SLC13A5: variants seen among roughly 807,000 people sequenced by gnomAD.
SLC13A5 encodes the protein solute carrier family 13 member 5, also known as Na(+)/citrate cotransporter.
SLC13A5 carries 25 observed loss-of-function variants against 56.5 expected under a neutral mutation model. The observed-to-expected ratio is 0.44, with a 90% CI of 0.32 to 0.62. The LOEUF (loss-of-function observed/expected upper bound fraction) is 0.62, where lower values mean the gene tolerates loss of function less well. Among genes scored for constraint, SLC13A5 ranks in the 20% least tolerant of loss-of-function variants. The pLI, the probability that SLC13A5 is intolerant of heterozygous loss-of-function variation, is 0.04. For synonymous variants in SLC13A5, 307 were observed against 301.5 expected (o/e 1.02, Z -0.19); for missense variants, 649 against 737.8 (o/e 0.88, Z 1.39).
rs765658539 is a variant in SLC13A5 at position 6,690,813 on chromosome 17, G to T, written c.1403C>A (p.Thr468Asn). Residue 468 changes from threonine to asparagine, a missense_variant, in exon 10 of 12, where the codon ACC (threonine) becomes AAC (asparagine). Physicochemically the swap from Thr to Asn is moderately conservative, Grantham distance 65. Transcript: ENST00000433363. The part of the protein sequence containing the change: ...VFTECTSNVA[T>N]TTLFLPIFAS... ...AAAGATGGGCAGGAACAAGGTGGTG[G>T]TGGCCACGTTGCTTGTGCACTCAGT... 4 of 1,614,096 alleles carry T rather than the reference G, an allele frequency of 2.5e-6. No homozygotes were observed. The highest frequency in any genetic ancestry group is 3.4e-6 in the Non-Finnish European group (4 of 1,180,046).
intron 6 of SLC13A5, among the ~76,000 whole-genome samples, chr17:6,697,285 C>T (rs1412938092): frequency 1.3e-5 from 2 of 152,138 alleles, no homozygotes; most frequent in Non-Finnish European, 2.9e-5. Context: ...AAGGGGTGAC[C>T]TTGGTATTAC....
chr17:6,693,997 G>T (rs368290893), intron 8 of SLC13A5, 100 bp downstream of exon 8: 31 of 606,478 alleles, frequency 5.1e-5, no homozygotes, highest in African/African-American at 3.8e-4. Context: ...TCTTGGATAT[G>T]ATGGGATTTT....
At chr17:6,686,566 C>G (rs149127793) in intron 11 of SLC13A5, 170 of 498,480 alleles carry the variant, frequency 3.4e-4, no homozygotes, top group African/African-American at 2.9e-3. Context: ...TATGCCCGTG[C>G]GCATTTGGAA....
chr17:6,690,061 CAAAAAAAAAAAAAAAAAAAAAAA>C (rs71157211), intron 10 of SLC13A5: 2 of 33,424 alleles, frequency 6.0e-5, no homozygotes, highest in South Asian at 1.4e-3. Flanking sequence ...GAAGGAAATG[CAAAAAAAAAAAAAAAAAAAAAAA>C]AAAAAAAAAA....
At position 6,703,022 on chromosome 17, in the gene SLC13A5, C is replaced by T. The variant is rs201674669; in HGVS notation, c.664G>A (p.Ala222Thr). The change falls in exon 5 of 12, where the codon GCC becomes ACC. Residue 222 changes from alanine to threonine, a missense_variant. Coordinates refer to ENST00000433363, the MANE Select transcript of SLC13A5 (RefSeq NM_177550.5). ...TTGGGTCCCGTCCCGGTCAGGGTGG[C>T]GGTGCCCCCGATGCTGGCCGCGTAG... The part of the protein sequence containing the change: ...ICYAASIGGT[A>T]TLTGTGPNVV... 17 of 1,614,092 alleles carry T rather than the reference C, an allele frequency of 1.1e-5. No individual in the cohort carries two copies. The highest frequency in any genetic ancestry group is 1.6e-4 in the Middle Eastern group (1 of 6,084).
At chr17:6,698,847 G>A (rs1458744659) in intron 6 of SLC13A5, among the ~76,000 whole-genome samples, 1 of 152,022 alleles carries the variant, frequency 6.6e-6, no homozygotes, top group Non-Finnish European at 1.5e-5. Flanking sequence ...AGACCAGCCT[G>A]GCCAACATGG....
chr17:6,703,853 G>T, intron 4 of SLC13A5, 25 bp downstream of exon 4: 2 of 1,511,364 alleles, frequency 1.3e-6, no homozygotes, highest in Non-Finnish European at 8.8e-7. Flanking sequence ...GTTGTGGCCT[G>T]GCAGTGCCCT....
At chr17:6,694,305 T>C in intron 7 of SLC13A5, 108 bp from the exon 8 acceptor site, 1 of 655,164 alleles carries the variant, frequency 1.5e-6, no homozygotes, top group Non-Finnish European at 2.7e-6. Flanking sequence ...AGAAACAGGC[T>C]CACAGCCTTA....
rs2151498872 is a variant in SLC13A5, at chr17:6,707,166, C to T, written c.103-10G>A. The T allele has an allele frequency of 1.2e-6, 2 of 1,613,548 alleles. No individual in the cohort carries two copies. Among genetic ancestry groups the T allele is most frequent in the Middle Eastern group, 1.7e-4 (1 of 6,056 alleles). The stretch of plus-strand genomic sequence containing the variant: ...AGGCACACCTGACAAACTGAAGAGA[C>T]AGTCCTGAGGCCTCAGCGTGTTGCC... On this transcript the variant is annotated splice_polypyrimidine_tract_variant and intron_variant, in intron 1 of 11. Coordinates refer to ENST00000433363, the MANE Select transcript of SLC13A5 (RefSeq NM_177550.5).
At chr17:6,696,785 A>G (rs951944432) in intron 6 of SLC13A5, among the ~76,000 whole-genome samples, 49 of 152,076 alleles carry the variant, frequency 3.2e-4, no homozygotes, top group African/African-American at 1.1e-3. Flanking sequence ...GGCCAAGAGT[A>G]TTGTCCTGGA....
Position 6,701,253 on chromosome 17 carries a change from G to A in SLC13A5, c.717-127C>T, listed in dbSNP as rs1461591168. 4 of 1,331,320 alleles carry A rather than the reference G, an allele frequency of 3.0e-6. No homozygotes were observed. The highest frequency in any genetic ancestry group is 3.1e-6 in the Non-Finnish European group (3 of 979,886). The allele number at this position is 1,331,320 out of a possible 1,614,324, so 82.5% of individuals were successfully genotyped here. ...CTGTGTGGAGGCCACATCCTCCTGAGGTCTAGCCACCAAGTCCATTGCCAA... is the reference window on the plus strand; with the variant it reads ...CTGTGTGGAGGCCACATCCTCCTGAAGTCTAGCCACCAAGTCCATTGCCAA... On this transcript the variant is annotated intron_variant, in intron 5 of 11. Transcript: ENST00000433363. This position sits in a 1 kb window ranked among gnomAD's most constrained non-coding sequence, Gnocchi z 4.1.
At position 6,687,647 on chromosome 17, in the gene SLC13A5, T is replaced by C. The variant is rs746077894; in HGVS notation, c.1457A>G (p.Asn486Ser). The change falls in exon 11 of 12, where the codon AAT (asparagine) becomes AGT (serine). Residue 486 changes from asparagine (N) to serine (S), a missense_variant. Physicochemically the swap from Asn to Ser is conservative, Grantham distance 46. Transcript: ENST00000433363. The surrounding 1 kb of genome is among the most constrained non-coding windows in gnomAD (Gnocchi z 5.0). Reference sequence around the variant, plus strand: ...ACAGGGCAGCATGATGTACAGCGGATTGAGGCCGATGGAGCGAGACTGCGG... The same window carrying C: ...ACAGGGCAGCATGATGTACAGCGGACTGAGGCCGATGGAGCGAGACTGCGG... ...FASMSRSIGLNPLYIMLPCTL... is the reference protein window; with the variant it reads ...FASMSRSIGLSPLYIMLPCTL... 2 of 1,606,176 alleles carry C rather than the reference T, an allele frequency of 1.2e-6. No individual in the cohort carries two copies. The highest frequency in any genetic ancestry group is 2.2e-5 in the South Asian group (2 of 89,290).
rs1401001506 is a variant in SLC13A5 at position 6,692,276 on chromosome 17, G to A, written c.1275+768C>T. Reference sequence around the variant, plus strand: ...GGATGGATGGATGGATGGATGGATGGACGGATGGACGGACGGATGGATGGA... The same window carrying A: ...GGATGGATGGATGGATGGATGGATGAACGGATGGACGGACGGATGGATGGA... On this transcript the variant is annotated intron_variant, in intron 9 of 11. Transcript: ENST00000433363. This position sits in a 1 kb window ranked among gnomAD's most constrained non-coding sequence, Gnocchi z 5.5. Among the ~76,000 whole-genome samples the A allele has an allele frequency of 6.6e-6, 1 of 151,330 alleles. No homozygotes were observed. Among genetic ancestry groups the A allele is most frequent in the Non-Finnish European group, 1.5e-5 (1 of 67,862 alleles).
intron 6 of SLC13A5, among the ~76,000 whole-genome samples, chr17:6,699,463 T>C (rs949110642): frequency 6.6e-6 from 1 of 151,798 alleles, no homozygotes; most frequent in Non-Finnish European, 1.5e-5. Flanking sequence ...GTTTTGAATA[T>C]GTATAGCAAC....
rs752111177 is a variant in SLC13A5 at position 6,687,695 on chromosome 17, C to G, written c.1438-29G>C. 3 of 1,560,512 alleles carry G rather than the reference C, an allele frequency of 1.9e-6. No individual in the cohort carries two copies. Among genetic ancestry groups the G allele is most frequent in the Non-Finnish European group, 2.6e-6 (3 of 1,155,262 alleles). On this transcript the variant is annotated intron_variant, in intron 10 of 11. Coordinates refer to ENST00000433363, the MANE Select transcript of SLC13A5 (RefSeq NM_177550.5). The surrounding 1 kb of genome is among the most constrained non-coding windows in gnomAD (Gnocchi z 5.0). ...CGGAAAAACAGCACTGCAACATCAC[C>G]GTACAGAACACAGAAGCTCTTGGGG...
chr17:6,697,447 G>A (rs946657235), intron 6 of SLC13A5, among the ~76,000 whole-genome samples: 3 of 152,200 alleles, frequency 2.0e-5, no homozygotes, highest in Non-Finnish European at 4.4e-5. Context: ...CTCTCGTGCT[G>A]AGCAGCTTTG....
rs768518593 is a variant in SLC13A5 at position 6,695,747 on chromosome 17, G to A, written c.1034C>T (p.Ala345Val). Residue 345 changes from alanine (A) to valine (V), a missense_variant, in exon 7 of 12, where the codon GCC becomes GTC. Coordinates refer to ENST00000433363, the MANE Select transcript of SLC13A5 (RefSeq NM_177550.5). ...PGFMPGWLTV[A>V]WVEGETKYVS... ...TTACTTTGTCTCACCCTCCACCCAG[G>A]CAACAGTCAGCCAGCCGGGCATGAA... is the stretch of plus-strand genomic sequence containing the variant. 2 of 1,614,108 alleles carry A rather than the reference G, an allele frequency of 1.2e-6. No homozygotes were observed. Among genetic ancestry groups the A allele is most frequent in the East Asian group, 2.2e-5 (1 of 44,866 alleles).
Position 6,694,348 on chromosome 17 carries a change from G to A in SLC13A5, c.1056-151C>T. 3 of 553,274 alleles carry A rather than the reference G, an allele frequency of 5.4e-6. No homozygotes were observed. The South Asian group carries it at 6.6e-5, about 12-fold the overall frequency. 34.3% of individuals were successfully genotyped at this position (553,274 alleles called of 1,614,324 possible). A position where few individuals can be genotyped will look rare whatever the true frequency, so the allele number is the denominator to read the frequency against. On this transcript the variant is annotated intron_variant, in intron 7 of 11. Transcript: ENST00000433363. ...AGGTCAAGAGTGGTGGCCAGGTGCA[G>A]TGGCTCACACTTGTAATCCCAGCAC...
At chr17:6,686,745 G>A (rs534320727) in intron 11 of SLC13A5, 8 of 186,770 alleles carry the variant, frequency 4.3e-5, no homozygotes, top group Non-Finnish European at 9.1e-5. Context: ...TCTGATGCCT[G>A]CTCTGCAAGC....
Sources: gnomAD v4.1 joint callset for allele counts (sites outside exome capture counted in the v4.1 genomes callset) on GRCh38, gnomAD v4.1.1 for gene constraint, Gnocchi (gnomAD v3.1) non-coding constraint, MANE v1.5 for transcripts, NCBI Gene and HGNC (gene_info 2026-07-23, HGNC 2026-07-21) for gene names.